SOX5: variants seen among roughly 807,000 people sequenced by gnomAD.
SOX5 encodes the protein transcription factor SOX-5.
SOX5 carries 9 observed loss-of-function variants against 92.0 expected under a neutral mutation model. The ratio of observed to expected loss-of-function variants is 0.10; its 90% CI spans 0.06 to 0.17. SOX5 has a LOEUF of 0.17. SOX5 is among the 10% of genes least tolerant of loss of function. SOX5 has a pLI of 1.00. For missense variants in SOX5, 642 were observed against 944.5 expected (o/e 0.68, Z 4.20); for synonymous variants, 344 against 336.3 (o/e 1.02, Z -0.25).
intron 4 of SOX5, among the ~76,000 whole-genome samples, chr12:23,745,048 C>T (rs1275228481): frequency 6.6e-6 from 1 of 152,058 alleles, no homozygotes; most frequent in Non-Finnish European, 1.5e-5. Context: ...AATTTAATTC[C>T]CTTTGTAAAG....
At chr12:24,149,981 A>G (rs909852176) in intron 4 of SOX5, among the ~76,000 whole-genome samples, 4 of 152,196 alleles carry the variant, frequency 2.6e-5, no homozygotes, top group African/African-American at 9.6e-5. Flanking sequence ...TAGAAAATGC[A>G]AACTAATCTA....
intron 3 of SOX5, among the ~76,000 whole-genome samples, chr12:23,839,866 A>T (rs1024064417): frequency 6.6e-6 from 1 of 151,738 alleles, no homozygotes. Flanking sequence ...CGCAGCTAAC[A>T]TCATACTTAA....
At chr12:24,141,727 A>G (rs981701443) in intron 4 of SOX5, among the ~76,000 whole-genome samples, 2 of 152,116 alleles carry the variant, frequency 1.3e-5, no homozygotes, top group Admixed American at 1.3e-4. Flanking sequence ...AAGTACATCA[A>G]TGTGCCTTTA....
intron 3 of SOX5, among the ~76,000 whole-genome samples, chr12:23,836,973 G>A (rs2096425101): frequency 6.6e-6 from 1 of 151,220 alleles, no homozygotes; most frequent in African/African-American, 2.4e-5. Flanking sequence ...TATTTTGTCA[G>A]ATTTACTCCT....
At chr12:24,333,970 A>G (rs1951617266) in intron 2 of SOX5, among the ~76,000 whole-genome samples, 1 of 151,850 alleles carries the variant, frequency 6.6e-6, no homozygotes, top group African/African-American at 2.4e-5. Flanking sequence ...CAATTTAATA[A>G]AAACCAATGG....
Position 23,740,002 on chromosome 12 carries a change from T to C in SOX5, c.741+865A>G, listed in dbSNP as rs370763634. 7.9e-5 allele frequency among the ~76,000 whole-genome samples: 12 copies of C among 152,214 alleles called. No homozygotes were observed. In the South Asian group the frequency reaches 2.1e-3, roughly 26 times the overall value. ...TGAGATAGCCTCAATAATTAGTTAG[T>C]ACAGTGCCCGGCACATAAGAAGCAC... On this transcript the variant is annotated intron_variant, in intron 5 of 14. Coordinates refer to ENST00000451604, the MANE Select transcript of SOX5 (RefSeq NM_006940.6).
chr12:24,233,723 C>A (rs1348202262), intron 3 of SOX5, among the ~76,000 whole-genome samples: 2 of 152,204 alleles, frequency 1.3e-5, no homozygotes, highest in Non-Finnish European at 2.9e-5. Flanking sequence ...GTCAACGTTG[C>A]TATTTGTCCC....
chr12:24,267,849 T>C (rs1943216672), intron 3 of SOX5, among the ~76,000 whole-genome samples: 1 of 152,210 alleles, frequency 6.6e-6, no homozygotes, highest in African/African-American at 2.4e-5. Flanking sequence ...AAGGAGCAGA[T>C]TTTCTCATCT....
At position 24,140,055 on chromosome 12, in the gene SOX5, T is replaced by C. The variant is rs1950437709; in HGVS notation, c.-2+73288A>G. 1.3e-5 allele frequency among the ~76,000 whole-genome samples: 2 copies of C among 152,218 alleles called. 1 individual carries two copies. The highest frequency in any genetic ancestry group is 4.1e-4 in the South Asian group (2 of 4,834). On this transcript the variant is annotated intron_variant, in intron 4 of 4. Transcript: ENST00000446891. ...ATGAACAGATTATTTCTTTAAATTC[T>C]ATGAGCAAATTCACCCTGGTTGCGA... is the stretch of plus-strand genomic sequence containing the variant.
chr12:24,278,303 A>G (rs760619709), intron 2 of SOX5, among the ~76,000 whole-genome samples: 5 of 152,220 alleles, frequency 3.3e-5, no homozygotes, highest in Admixed American at 2.0e-4. Flanking sequence ...TTTGTTAGGA[A>G]GCACAGAAAT....
At chr12:24,074,871 CTTTCT>C (rs1439935023) in intron 4 of SOX5, among the ~76,000 whole-genome samples, 1 of 138,570 alleles carries the variant, frequency 7.2e-6, no homozygotes, top group Non-Finnish European at 1.6e-5. Flanking sequence ...CTTTGGATTA[CTTTCT>C]TTTGTTTTTT....
chr12:24,285,880 G>T (rs12300252), intron 2 of SOX5, among the ~76,000 whole-genome samples: 11,396 of 152,068 alleles, frequency 0.075, 1,258 homozygotes, highest in African/African-American at 0.24. Context: ...AACGGAAAAA[G>T]ATAAAAATAA....
intron 3 of SOX5, among the ~76,000 whole-genome samples, chr12:24,274,980 G>C (rs1270794449): frequency 6.6e-6 from 1 of 152,106 alleles, no homozygotes; most frequent in African/African-American, 2.4e-5. Context: ...GCTGCAATAT[G>C]ATCAAGATGT....
intron 4 of SOX5, among the ~76,000 whole-genome samples, chr12:24,089,989 A>G (rs1260815202): frequency 6.6e-6 from 1 of 152,160 alleles, no homozygotes; most frequent in African/African-American, 2.4e-5. Flanking sequence ...TATTCAAGGA[A>G]TCAATACGTA....
chr12:24,029,808 T>C (rs1955282719), intron 4 of SOX5, among the ~76,000 whole-genome samples: 1 of 152,076 alleles, frequency 6.6e-6, no homozygotes. Context: ...AATGAAATTA[T>C]GTTTTTAATA....
intron 1 of SOX5, among the ~76,000 whole-genome samples, chr12:24,420,340 G>C (rs1252306396): frequency 3.3e-5 from 5 of 152,168 alleles, no homozygotes; most frequent in Non-Finnish European, 1.5e-5. Flanking sequence ...AACATACCCA[G>C]TACACGCGAA....
chr12:24,199,398 A>G (rs889679028), intron 4 of SOX5, among the ~76,000 whole-genome samples: 1 of 152,212 alleles, frequency 6.6e-6, no homozygotes, highest in African/African-American at 2.4e-5. Flanking sequence ...TTTCAGTCAT[A>G]ACAGCCAATT....
At chr12:23,921,419 T>C (rs1938239028) in intron 1 of SOX5, among the ~76,000 whole-genome samples, 1 of 151,998 alleles carries the variant, frequency 6.6e-6, no homozygotes, top group Non-Finnish European at 1.5e-5. Context: ...AAGGGACAAT[T>C]TTACATTTTC....
At chr12:23,555,782 G>A (rs1000172221) in intron 11 of SOX5, among the ~76,000 whole-genome samples, 2 of 152,116 alleles carry the variant, frequency 1.3e-5, no homozygotes, top group African/African-American at 2.4e-5. Flanking sequence ...ACTGCTGGAC[G>A]AAAACAGCTC....
Sources: allele counts gnomAD v4.1 joint callset (sites outside exome capture counted in the v4.1 genomes callset), GRCh38; gene constraint gnomAD v4.1.1; transcripts MANE v1.5; gene names NCBI Gene and HGNC (gene_info 2026-07-23, HGNC 2026-07-21).